The following SAMMSON variants were observed in gnomAD, a reference collection of about 807,000 sequenced individuals.
SAMMSON encodes the protein survival associated mitochondrial melanoma specific oncogenic non-coding RNA.
At chr3:70,182,157 G>T (rs1701058233) in intron 4 of SAMMSON, among the ~76,000 whole-genome samples, 1 of 151,836 alleles carries the variant, frequency 6.6e-6, no homozygotes, top group Non-Finnish European at 1.5e-5. Context: ...TGCTAAGGAG[G>T]TTTTTTTTAA....
At chr3:70,152,711 T>G (rs1270196727) in intron 4 of SAMMSON, among the ~76,000 whole-genome samples, 1 of 152,018 alleles carries the variant, frequency 6.6e-6, no homozygotes, top group African/African-American at 2.4e-5. Flanking sequence ...AGTCTGCTAC[T>G]CAGTGACTTG....
chr3:70,324,927 A>AG (rs1248554818), intron 7 of SAMMSON, among the ~76,000 whole-genome samples: 11 of 151,732 alleles, frequency 7.2e-5, no homozygotes, highest in Non-Finnish European at 1.2e-4. Context: ...GGCCAAAAAA[A>AG]AAAAAAAGAA....
At chr3:70,337,340 ACCAGCT>A (rs1702672889) in intron 7 of SAMMSON, among the ~76,000 whole-genome samples, 1 of 151,466 alleles carries the variant, frequency 6.6e-6, no homozygotes, top group Non-Finnish European at 1.5e-5. Flanking sequence ...TACACAGAGT[ACCAGCT>A]CCTCTTCTAG....
At chr3:70,389,504 T>C (rs1701024807) in intron 9 of SAMMSON, 1 of 152,144 alleles carries the variant, frequency 6.6e-6, no homozygotes, top group Non-Finnish European at 1.5e-5. Context: ...TATCCATTTA[T>C]TTTTGAGGTC....
At chr3:70,017,350 T>C (rs1371312215) in intron 3 of SAMMSON, among the ~76,000 whole-genome samples, 1 of 152,120 alleles carries the variant, frequency 6.6e-6, no homozygotes, top group Admixed American at 6.5e-5. Context: ...TTTGAAGCAA[T>C]TGTGAATGGG....
intron 9 of SAMMSON, among the ~76,000 whole-genome samples, chr3:70,387,062 A>G (rs1410187841): frequency 6.6e-6 from 1 of 152,050 alleles, no homozygotes; most frequent in Non-Finnish European, 1.5e-5. Flanking sequence ...ATTTTCTGGA[A>G]ACAAGTAGGG....
intron 4 of SAMMSON, among the ~76,000 whole-genome samples, chr3:70,180,584 A>G (rs774636577): frequency 6.6e-6 from 1 of 152,182 alleles, no homozygotes; most frequent in Non-Finnish European, 1.5e-5. Context: ...ATAAACCAGA[A>G]TCTCCTTGAA....
chr3:70,011,694 T>C (rs934563314), intron 1 of SAMMSON, among the ~76,000 whole-genome samples: 1 of 151,868 alleles, frequency 6.6e-6, no homozygotes, highest in Non-Finnish European at 1.5e-5. Flanking sequence ...TCTCTGATAC[T>C]ATAGCAAAGA....
chr3:70,277,486 T>G (rs1045906430), intron 6 of SAMMSON, among the ~76,000 whole-genome samples: 1 of 152,156 alleles, frequency 6.6e-6, no homozygotes, highest in Non-Finnish European at 1.5e-5. Flanking sequence ...CTTGATAATA[T>G]TTAGAATAAG....
intron 4 of SAMMSON, among the ~76,000 whole-genome samples, chr3:70,233,050 A>G (rs1030738991): frequency 3.3e-5 from 5 of 152,162 alleles, no homozygotes; most frequent in African/African-American, 4.8e-5. Flanking sequence ...TTAGCCGGAC[A>G]TGGTGGCATG....
intron 2 of SAMMSON, among the ~76,000 whole-genome samples, chr3:70,402,152 G>A (rs964941864): frequency 4.6e-5 from 7 of 152,192 alleles, no homozygotes; most frequent in African/African-American, 1.7e-4. Flanking sequence ...CCTTCTAGGG[G>A]AATGTGTGGT....
chr3:70,413,104 G>T (rs1159551519), intron 2 of SAMMSON, among the ~76,000 whole-genome samples: 1 of 151,968 alleles, frequency 6.6e-6, no homozygotes, highest in Non-Finnish European at 1.5e-5. Flanking sequence ...TAGAAATAAA[G>T]AAATCACAAT....
chr3:70,212,533 C>T (rs778984120), intron 4 of SAMMSON, among the ~76,000 whole-genome samples: 11 of 152,046 alleles, frequency 7.2e-5, no homozygotes, highest in East Asian at 3.9e-4. Flanking sequence ...CTCTCAAGTC[C>T]GTGTCTGCTT....
intron 4 of SAMMSON, among the ~76,000 whole-genome samples, chr3:70,242,021 G>A (rs1480018507): frequency 6.6e-6 from 1 of 152,134 alleles, no homozygotes; most frequent in Non-Finnish European, 1.5e-5. Flanking sequence ...TGTGTGCAAC[G>A]GCTGACTACA....
At chr3:70,263,913 A>G (rs1163325894) in intron 6 of SAMMSON, among the ~76,000 whole-genome samples, 1 of 152,126 alleles carries the variant, frequency 6.6e-6, no homozygotes, top group Non-Finnish European at 1.5e-5. Context: ...CTGTTGTCCA[A>G]TATCTCAAAT....
chr3:70,137,114 A>C (rs1031724606), intron 4 of SAMMSON, among the ~76,000 whole-genome samples: 4 of 152,166 alleles, frequency 2.6e-5, no homozygotes, highest in African/African-American at 9.7e-5. Context: ...AGTTAGATAA[A>C]CAGTTTGGTG....
chr3:70,306,273 C>T lies in SAMMSON; in HGVS notation n.739+15030C>T, dbSNP rs182722997. On this transcript the variant is annotated intron_variant and non_coding_transcript_variant, in intron 7 of 9. Coordinates refer to ENST00000642114, the Ensembl canonical transcript of SAMMSON. Reference sequence around the variant, plus strand: ...CACTCGCCACCACACGTGGCTAGCCCGGCTAATTTCTATATTTTTAGTAAA... The same window carrying T: ...CACTCGCCACCACACGTGGCTAGCCTGGCTAATTTCTATATTTTTAGTAAA... 2.8e-3 allele frequency among the ~76,000 whole-genome samples: 430 copies of T among 152,080 alleles called. 1 individual carries two copies. Among genetic ancestry groups the T allele is most frequent in the African/African-American group, 9.8e-3 (405 of 41,468 alleles).
intron 3 of SAMMSON, among the ~76,000 whole-genome samples, chr3:70,053,645 T>C (rs948629702): frequency 1.3e-5 from 2 of 152,132 alleles, no homozygotes; most frequent in African/African-American, 4.8e-5. Flanking sequence ...GATGCATATA[T>C]ATTTTGAGGA....
At chr3:70,164,937 C>T (rs562828251) in intron 4 of SAMMSON, among the ~76,000 whole-genome samples, 15 of 152,038 alleles carry the variant, frequency 9.9e-5, no homozygotes, top group South Asian at 4.2e-4. Context: ...TTGAATTTGG[C>T]GGCATAATAT....
Sources: allele counts gnomAD v4.1 joint callset (sites outside exome capture counted in the v4.1 genomes callset), GRCh38; gene constraint gnomAD v4.1.1; transcripts MANE v1.5; gene names NCBI Gene and HGNC (gene_info 2026-07-23, HGNC 2026-07-21).